The following DOCK8 variants were observed in gnomAD, a reference collection of about 807,000 sequenced individuals.
DOCK8 encodes dedicator of cytokinesis 8.
A neutral mutation model predicts 245.6 loss-of-function variants in DOCK8; 141 were observed. That is an observed-to-expected ratio of 0.57 (90% CI 0.50 to 0.66). The LOEUF is 0.66. Ranked by LOEUF, DOCK8 falls within the 30% of genes least tolerant of loss-of-function variation. The pLI is 0.00. For missense variants in DOCK8, 2,965 were observed against 2,603.4 expected (o/e 1.14, Z -3.02); for synonymous variants, 1,168 against 970.2 (o/e 1.20, Z -3.79).
chr9:446,478 AC>A lies in DOCK8; in HGVS notation c.5693del (p.Pro1898ArgfsTer22), dbSNP rs752545931. ...CAACCTCCGGAGGTTCATGTACACC[AC>A]CCCGTTCACCCTGGAGGGGCGGCCT... ...NFNLRRFMYT[T>X]PFTLEGRPRG... On this transcript the variant is annotated frameshift_variant, in exon 44 of 48. Transcript: ENST00000432829. LOFTEE classifies it high-confidence loss of function. The A allele has an allele frequency of 6.2e-7, 1 of 1,613,936 alleles. No homozygotes were observed. Among genetic ancestry groups the A allele is most frequent in the South Asian group, 1.1e-5 (1 of 91,058 alleles).
intron 37 of DOCK8, 96 bp from the exon 38 acceptor site, chr9:433,779 C>T: frequency 9.6e-7 from 1 of 1,036,660 alleles, no homozygotes; most frequent in Non-Finnish European, 1.5e-6. Context: ...TCTGATCCAA[C>T]CCTTCCCATG....
chr9:347,911 A>G (rs10491690), intron 14 of DOCK8, among the ~76,000 whole-genome samples: 2,220 of 152,344 alleles, frequency 0.015, 72 homozygotes, highest in African/African-American at 0.051. Flanking sequence ...CTCACTTTCT[A>G]GATTCAGACA....
chr9:369,184 C>A (rs1051443735), intron 15 of DOCK8: 1 of 151,702 alleles, frequency 6.6e-6, no homozygotes, highest in African/African-American at 2.4e-5. Flanking sequence ...AAAAAAAAAA[C>A]CTTTCTCCTA....
In DOCK8 at chr9:359,443, G is replaced by C. The variant is rs146485331; in HGVS notation, c.1680-8575G>C. ...ATGCTTGTAACAGTGCCTGCATAGA[G>C]TAAGAATGAAATAATGTTAGCTATT... On this transcript the variant is annotated intron_variant, in intron 14 of 47. Coordinates refer to ENST00000432829, the MANE Select transcript of DOCK8 (RefSeq NM_203447.4). Among the ~76,000 whole-genome samples the C allele has an allele frequency of 2.0e-4, 30 of 152,302 alleles. 1 individual carries two copies. The highest frequency in any genetic ancestry group is 7.0e-4 in the African/African-American group (29 of 41,542).
chr9:230,893 C>T (rs1388788928), intron 1 of DOCK8, among the ~76,000 whole-genome samples: 7 of 152,068 alleles, frequency 4.6e-5, no homozygotes, highest in Non-Finnish European at 7.4e-5. Context: ...TGTGCAGAAG[C>T]TCTTTAGTTG....
intron 24 of DOCK8, 54 bp from the exon 25 acceptor site, chr9:396,731 G>C: frequency 6.2e-7 from 1 of 1,609,946 alleles, no homozygotes; most frequent in Admixed American, 1.7e-5. Context: ...TTTCTGCATT[G>C]TACAAGCAGG....
At chr9:367,821 TGG>T (rs995940069) in intron 14 of DOCK8, among the ~76,000 whole-genome samples, 195 bp from the exon 15 acceptor site, 6 of 152,122 alleles carry the variant, frequency 3.9e-5, no homozygotes, top group Non-Finnish European at 7.4e-5. Flanking sequence ...CAGAGAGCGA[TGG>T]GGGTTATTTT....
intron 1 of DOCK8, among the ~76,000 whole-genome samples, chr9:258,592 C>CTTTT (rs540266063): frequency 1.5e-4 from 15 of 100,308 alleles, no homozygotes; most frequent in Admixed American, 3.7e-4. Flanking sequence ...TGAAGAGACT[C>CTTTT]TTTTTTTTTT....
chr9:360,167 T>C (rs1395031891), intron 14 of DOCK8, among the ~76,000 whole-genome samples: 1 of 151,828 alleles, frequency 6.6e-6, no homozygotes, highest in African/African-American at 2.4e-5. Context: ...AATACAAAAA[T>C]TAGCCGGGCC....
At chr9:218,603 C>A (rs921589602) in intron 1 of DOCK8, among the ~76,000 whole-genome samples, 2 of 152,078 alleles carry the variant, frequency 1.3e-5, no homozygotes, top group African/African-American at 4.8e-5. Flanking sequence ...TTTTTTCTTA[C>A]TGGAATTTAG....
chr9:216,792 G>A (rs903396744), intron 1 of DOCK8, among the ~76,000 whole-genome samples: 1 of 152,102 alleles, frequency 6.6e-6, no homozygotes, highest in Admixed American at 6.6e-5. Flanking sequence ...GGTTGGGCAG[G>A]GTTGATCTGG....
chr9:364,077 G>A (rs2052859944), intron 14 of DOCK8, among the ~76,000 whole-genome samples: 1 of 152,118 alleles, frequency 6.6e-6, no homozygotes, highest in South Asian at 2.1e-4. Context: ...AATATAAGGG[G>A]ATTCTTCCAA....
intron 11 of DOCK8, 78 bp downstream of exon 11, chr9:334,462 C>T: frequency 1.3e-6 from 2 of 1,507,822 alleles, no homozygotes; most frequent in Non-Finnish European, 1.8e-6. Flanking sequence ...CTAGCGGGGA[C>T]TGGGGGCACA....
rs746762012 is a variant in DOCK8, at chr9:390,585, T to G, written c.2970+19T>G. On this transcript the variant is annotated intron_variant, in intron 24 of 47. Transcript: ENST00000432829. ...GCTTCTGGTGAGATTCTTGCGCGTT[T>G]GTATCTGTGCTCAATAGGCCAAGAG... is the stretch of plus-strand genomic sequence containing the variant. The G allele has an allele frequency of 1.2e-6, 2 of 1,609,376 alleles. No homozygotes were observed. The highest frequency in any genetic ancestry group is 2.2e-5 in the East Asian group (1 of 44,876).
At chr9:447,234 A>G (rs1043328583) in intron 44 of DOCK8, among the ~76,000 whole-genome samples, 21 of 152,354 alleles carry the variant, frequency 1.4e-4, no homozygotes, top group Admixed American at 1.3e-3. Context: ...AGGTCTCTCA[A>G]ACCACAGAAT....
chr9:332,069 A>G (rs1283572782), intron 9 of DOCK8, among the ~76,000 whole-genome samples: 1 of 152,214 alleles, frequency 6.6e-6, no homozygotes, highest in Non-Finnish European at 1.5e-5. Flanking sequence ...TATATACATA[A>G]TACATGTTTA....
chr9:252,674 C>T (rs1013590284), intron 1 of DOCK8, among the ~76,000 whole-genome samples: 13 of 151,762 alleles, frequency 8.6e-5, no homozygotes, highest in Middle Eastern at 3.4e-3. Context: ...CCTGGTGATG[C>T]ATGCCTGTAG....
intron 4 of DOCK8, among the ~76,000 whole-genome samples, chr9:302,192 C>T (rs2049585342): frequency 6.6e-6 from 1 of 152,162 alleles, no homozygotes; most frequent in African/African-American, 2.4e-5. Flanking sequence ...AGAAATAAAG[C>T]TGCACGCCTA....
chr9:426,806 C>T, intron 33 of DOCK8, 79 bp from the exon 34 acceptor site: 1 of 1,126,076 alleles, frequency 8.9e-7, no homozygotes, highest in Admixed American at 1.7e-5. Context: ...TTTCTTTACA[C>T]CTTGGTGTAT....
Sources: gnomAD v4.1 joint callset for allele counts (sites outside exome capture counted in the v4.1 genomes callset) on GRCh38, gnomAD v4.1.1 for gene constraint, MANE v1.5 for transcripts, NCBI Gene and HGNC (gene_info 2026-07-23, HGNC 2026-07-21) for gene names.